ASMTL: variants seen among roughly 807,000 people sequenced by gnomAD.
ASMTL encodes acetylserotonin O-methyltransferase like.
Under a neutral mutation model 60.3 loss-of-function variants are expected in ASMTL, and 57 were observed. The observed-to-expected ratio is 0.95, with a 90% CI of 0.76 to 1.18. ASMTL has a LOEUF of 1.18. Among genes scored for constraint, ASMTL ranks in the 50% most tolerant of loss-of-function variants. The probability of loss-of-function intolerance (pLI) is 0.00; values close to 1 mark genes in which losing one functional copy is unlikely to be tolerated. For missense variants in ASMTL, 981 were observed against 852.6 expected (o/e 1.15, Z -1.88); for synonymous variants, 419 against 373.0 (o/e 1.12, Z -1.42).
chrX:1,427,890 C>G lies in ASMTL; in HGVS notation c.741G>C (p.Glu247Asp). ...GGCTGCCCGCGTCCCTCTGAGTGGG[C>G]TCCGAGCCGCCCCCCTCCACGTCAC... ...DLSDVEGGGS[E>D]PTQRDAGSRD... Residue 247 changes from glutamate (E) to aspartate (D), a missense_variant, in exon 7 of 13, where the codon GAG (glutamate) becomes GAC (aspartate). Transcript: ENST00000381317. The G allele has an allele frequency of 6.2e-7, 1 of 1,613,250 alleles. No individual in the cohort carries two copies. Among genetic ancestry groups the G allele is most frequent in the Non-Finnish European group, 8.5e-7 (1 of 1,179,828 alleles).
At chrX:1,428,336 A>G (rs2090672451) in intron 6 of ASMTL, 2 of 188,252 alleles carry the variant, frequency 1.1e-5, no homozygotes, top group South Asian at 1.8e-4. Context: ...AAAAAAAAAA[A>G]AAAGAAAAAC....
intron 1 of ASMTL, among the ~76,000 whole-genome samples, chrX:1,442,785 C>T (rs1317378244): frequency 1.3e-5 from 2 of 152,128 alleles, no homozygotes; most frequent in South Asian, 4.1e-4. Flanking sequence ...GATGGCTCTA[C>T]GTCAATCCCT....
intron 6 of ASMTL, among the ~76,000 whole-genome samples, chrX:1,430,658 G>A (rs1474344726): frequency 6.6e-6 from 1 of 151,780 alleles, no homozygotes; most frequent in Non-Finnish European, 1.5e-5. Context: ...TGCAGACCCA[G>A]CCACTAGTGG....
At chrX:1,414,579 G>C (rs2149280011) in intron 11 of ASMTL, among the ~76,000 whole-genome samples, 1 of 152,166 alleles carries the variant, frequency 6.6e-6, no homozygotes, top group South Asian at 2.1e-4. Context: ...GTGGTGGCGG[G>C]CACTTGTCAC....
rs1569533335 is a variant in ASMTL at position 1,427,979 on chromosome X, C to CCGGG, written c.651_652insCCCG (p.Glu218ProfsTer24). On this transcript the variant is annotated frameshift_variant, in exon 7 of 13. Coordinates refer to ENST00000381317, the MANE Select transcript of ASMTL (RefSeq NM_004192.4). LOFTEE classifies it high-confidence loss of function. ...TGCTTGACACTCCGCCGCAGGTCCT[C>CCGGG]CGGACGGGGCGGGTAGTAGAGCTTC... is the stretch of plus-strand genomic sequence containing the variant. 6.2e-7 allele frequency: 1 copy of CCGGG among 1,613,574 alleles called. No individual in the cohort carries two copies. Among genetic ancestry groups the CCGGG allele is most frequent in the South Asian group, 1.1e-5 (1 of 91,076 alleles).
At chrX:1,413,338 G>A (rs769963822) in intron 11 of ASMTL, among the ~76,000 whole-genome samples, 1 of 140,700 alleles carries the variant, frequency 7.1e-6, no homozygotes, top group Non-Finnish European at 1.6e-5. Context: ...CTCCAGCCTG[G>A]GCGACAAGAA....
chrX:1,448,618 C>T (rs1195507485), intron 1 of ASMTL, among the ~76,000 whole-genome samples: 2 of 151,772 alleles, frequency 1.3e-5, no homozygotes, highest in East Asian at 1.9e-4. Flanking sequence ...GGATAAGCAC[C>T]ACCATCTTGG....
At chrX:1,411,643 C>G (rs758393166) in intron 12 of ASMTL, among the ~76,000 whole-genome samples, 1 of 39,190 alleles carries the variant, frequency 2.6e-5, no homozygotes, top group East Asian at 4.3e-4. Context: ...TCCACTCATG[C>G]GTGGATTTCC....
intron 1 of ASMTL, among the ~76,000 whole-genome samples, chrX:1,447,975 A>G: frequency 6.7e-6 from 1 of 150,208 alleles, no homozygotes; most frequent in Middle Eastern, 3.5e-3. Context: ...CATCTTGGAC[A>G]CACACCGCCA....
In ASMTL at chrX:1,419,088, C is replaced by T. The variant is rs192604298; in HGVS notation, c.1272G>A (p.Thr424=). 1.2e-4 allele frequency: 195 copies of T among 1,611,276 alleles called. 2 individuals carry two copies. In the African/African-American group the frequency reaches 2.1e-3, roughly 18 times the overall value. Residue 424 remains threonine, a synonymous_variant, in exon 10 of 13, where the codon ACG becomes ACA. Coordinates refer to ENST00000381317, the MANE Select transcript of ASMTL (RefSeq NM_004192.4). ...FQDAYYQSPE[T]RLRFMRAMHG... ...GCATGGCCCGCATGAACCTCAGCCG[C>T]GTCTCCGGGCTCTGGTAGTACGCAT...
Position 1,406,382 on chromosome X carries a change from G to GGGTA in ASMTL, c.1646-2897_1646-2894dup, listed in dbSNP as rs778050804. On this transcript the variant is annotated intron_variant, in intron 12 of 12. Coordinates refer to ENST00000381317, the MANE Select transcript of ASMTL (RefSeq NM_004192.4). ...GATAGGTGAATAGATGGTAGATGAT[G>GGGTA]GGTAGGTAGGTAGATGAATGGATGG... 2.0e-5 allele frequency among the ~76,000 whole-genome samples: 3 copies of GGGTA among 150,280 alleles called. No homozygotes were observed. In the East Asian group the frequency reaches 6.0e-4, roughly 30 times the overall value.
At chrX:1,405,943 T>A (rs2089814625) in intron 12 of ASMTL, among the ~76,000 whole-genome samples, 1 of 150,286 alleles carries the variant, frequency 6.7e-6, no homozygotes, top group Admixed American at 6.6e-5. Flanking sequence ...GATGGATGAA[T>A]GGATGAGTAG....
chrX:1,404,660 A>T (rs1294810479), intron 12 of ASMTL, among the ~76,000 whole-genome samples: 1 of 147,960 alleles, frequency 6.8e-6, no homozygotes, highest in African/African-American at 2.5e-5. Context: ...AGATGGATGG[A>T]TGGGTGAATA....
intron 11 of ASMTL, among the ~76,000 whole-genome samples, chrX:1,415,380 A>ACTCCC (rs2090202122): frequency 6.8e-6 from 1 of 146,022 alleles, no homozygotes; most frequent in Admixed American, 6.8e-5. Flanking sequence ...CCCCATCTCC[A>ACTCCC]CTCCCCTCAC....
intron 1 of ASMTL, among the ~76,000 whole-genome samples, chrX:1,444,816 A>G (rs1175975241): frequency 1.3e-5 from 2 of 151,708 alleles, no homozygotes; most frequent in Non-Finnish European, 2.9e-5. Flanking sequence ...TTTTCTCTCC[A>G]TTCACCTTCC....
At chrX:1,416,347 A>G (rs1462842933) in intron 11 of ASMTL, among the ~76,000 whole-genome samples, 4 of 133,320 alleles carry the variant, frequency 3.0e-5, no homozygotes, top group Non-Finnish European at 5.0e-5. Flanking sequence ...ATACAGATAC[A>G]GTGACAGGCA....
chrX:1,416,750 CACACACAG>C (rs2090291210), intron 11 of ASMTL, among the ~76,000 whole-genome samples: 4 of 128,942 alleles, frequency 3.1e-5, no homozygotes, highest in South Asian at 6.2e-4. Flanking sequence ...GTCAGTCATG[CACACACAG>C]ACACATGCAC....
chrX:1,421,035 C>G (rs1401515984), intron 9 of ASMTL, among the ~76,000 whole-genome samples: 1 of 151,356 alleles, frequency 6.6e-6, no homozygotes, highest in Non-Finnish European at 1.5e-5. Context: ...TCTCAGCTCA[C>G]TGCAACCACC....
At chrX:1,448,416 A>G (rs1194603575) in intron 1 of ASMTL, among the ~76,000 whole-genome samples, 33 of 144,384 alleles carry the variant, frequency 2.3e-4, no homozygotes, top group African/African-American at 7.6e-4. Flanking sequence ...TGGACACGCC[A>G]CCATCTTGGA....
Sources: gnomAD v4.1 joint callset for allele counts (sites outside exome capture counted in the v4.1 genomes callset) on GRCh38, gnomAD v4.1.1 for gene constraint, MANE v1.5 for transcripts, NCBI Gene and HGNC (gene_info 2026-07-23, HGNC 2026-07-21) for gene names.